HEATR5A: variants seen among roughly 807,000 people sequenced by gnomAD.
HEATR5A encodes HEAT repeat containing 5A, also known as HEAT repeat-containing protein 5A.
HEATR5A carries 178 observed loss-of-function variants against 218.8 expected under a neutral mutation model. That is an observed-to-expected ratio of 0.81 (90% CI 0.72 to 0.92). The LOEUF (loss-of-function observed/expected upper bound fraction) is 0.92, where lower values mean the gene tolerates loss of function less well. HEATR5A is among the 40% of genes least tolerant of loss of function. HEATR5A has a pLI of 0.00. For synonymous variants in HEATR5A, 864 were observed against 871.6 expected (o/e 0.99, Z 0.15); for missense variants, 2,420 against 2,418.9 (o/e 1.00, Z -0.01).
intron 10 of HEATR5A, among the ~76,000 whole-genome samples, chr14:31,383,198 T>C (rs567211680): frequency 4.6e-5 from 7 of 152,352 alleles, no homozygotes; most frequent in Admixed American, 4.6e-4. Flanking sequence ...TCTACAGTTT[T>C]AGTTCTTTCT....
intron 8 of HEATR5A, among the ~76,000 whole-genome samples, chr14:31,386,843 G>A (rs1378893754): frequency 1.3e-5 from 2 of 152,062 alleles, no homozygotes; most frequent in Admixed American, 6.6e-5. Context: ...GAACTCATGG[G>A]AAACTAAAAA....
chr14:31,394,750 A>G (rs530255215), intron 5 of HEATR5A, among the ~76,000 whole-genome samples: 102 of 152,250 alleles, frequency 6.7e-4, no homozygotes, highest in Non-Finnish European at 1.3e-3. Context: ...CCCGGGAGGC[A>G]GAGCTTGCAG....
intron 1 of HEATR5A, among the ~76,000 whole-genome samples, chr14:31,409,811 A>C (rs998457960): frequency 1.6e-4 from 25 of 152,362 alleles, no homozygotes; most frequent in African/African-American, 5.8e-4. Flanking sequence ...GTCAACAAAT[A>C]TACAGGCTGC....
intron 28 of HEATR5A, among the ~76,000 whole-genome samples, chr14:31,309,723 T>C (rs1361860041): frequency 1.3e-5 from 2 of 152,096 alleles, no homozygotes; most frequent in African/African-American, 2.4e-5. Context: ...TCTCTCTTAA[T>C]TTTTTTCTTT....
chr14:31,318,645 C>T (rs893898977), intron 25 of HEATR5A, among the ~76,000 whole-genome samples: 5 of 152,118 alleles, frequency 3.3e-5, no homozygotes, highest in South Asian at 2.1e-4. Flanking sequence ...TGCCTGCCAC[C>T]GCAACCAGCT....
rs3033610 is a variant in HEATR5A at position 31,336,217 on chromosome 14, CATATATATATATATAT to C, written c.3367+1243_3367+1258del. ...GGTTATTTTTATATATACATACATA[CATATATATATATATAT>C]ATATATATATATATATATATATATA... On this transcript the variant is annotated intron_variant, in intron 22 of 35. Transcript: ENST00000543095. Among the ~76,000 whole-genome samples, 241 of 38,208 alleles carry C rather than the reference CATATATATATATATAT, an allele frequency of 6.3e-3. 3 individuals are homozygous for C. Among genetic ancestry groups the C allele is most frequent in the South Asian group, 0.038 (39 of 1,032 alleles). 25.1% of individuals were successfully genotyped at this position (38,208 alleles called of 152,430 possible).
intron 29 of HEATR5A, among the ~76,000 whole-genome samples, chr14:31,308,528 C>G: frequency 8.2e-6 from 1 of 121,524 alleles, no homozygotes; most frequent in South Asian, 2.6e-4. Context: ...AAAAAAAAAT[C>G]TAAACTAGGC....
intron 18 of HEATR5A, among the ~76,000 whole-genome samples, chr14:31,348,637 T>A (rs1394837240): frequency 1.3e-5 from 2 of 152,228 alleles, no homozygotes; most frequent in Non-Finnish European, 2.9e-5. Flanking sequence ...GAATTTTCTA[T>A]GTACTGTGTG....
intron 13 of HEATR5A, among the ~76,000 whole-genome samples, chr14:31,366,786 G>C (rs1359137646): frequency 1.3e-5 from 2 of 152,144 alleles, no homozygotes; most frequent in African/African-American, 4.8e-5. Flanking sequence ...GCTGAAACTA[G>C]AGTAGGAACA....
chr14:31,307,915 C>A lies in HEATR5A; in HGVS notation c.4796G>T (p.Arg1599Ile), dbSNP rs1228321952. The change falls in exon 30 of 36, where the codon AGA becomes ATA. Residue 1599 changes from arginine (R) to isoleucine (I), a missense_variant. Arg to Ile is a moderately conservative substitution (Grantham distance 97). Transcript: ENST00000543095. ...LQALLDVPWP[R>I]SKIGSDQDLG... is the part of the protein sequence containing the mutation. ...CACCTGATCACTGCCAATTTTTGAT[C>A]TGGGCCAAGGTACATCTAGAAGTGC... 5.6e-6 allele frequency: 9 copies of A among 1,611,772 alleles called. No individual in the cohort carries two copies. Among genetic ancestry groups the A allele is most frequent in the South Asian group, 1.1e-5 (1 of 90,272 alleles).
In HEATR5A at chr14:31,370,221, G is replaced by A. The variant is rs374376775; in HGVS notation, c.1961+1589C>T. Among the ~76,000 whole-genome samples the A allele has an allele frequency of 6.1e-5, 9 of 147,854 alleles. No individual in the cohort carries two copies. The South Asian group carries it at 6.3e-4, about 10-fold the overall frequency. On this transcript the variant is annotated intron_variant, in intron 13 of 35. Transcript: ENST00000543095. ...AGCCTGGGTGACAGAGCGAGACTACGTCTCAAAAAAAAAAAAGGAAGAATT... is the reference window on the plus strand; with the variant it reads ...AGCCTGGGTGACAGAGCGAGACTACATCTCAAAAAAAAAAAAGGAAGAATT...
Position 31,349,726 on chromosome 14 carries a change from G to A in HEATR5A, c.2708+63C>T. 2.8e-6 allele frequency: 3 copies of A among 1,089,382 alleles called. No individual in the cohort carries two copies. The South Asian group carries it at 4.3e-5, about 16-fold the overall frequency. 67.5% of individuals were successfully genotyped at this position (1,089,382 alleles called of 1,614,324 possible). A position where few individuals can be genotyped will look rare whatever the true frequency, so the allele number is the denominator to read the frequency against. ...ATGAAGATCTTACTAGTTCCAACAA[G>A]CCAGAAAGCTATACCCAGTTTTGAA... On this transcript the variant is annotated intron_variant, in intron 18 of 35. Transcript: ENST00000543095.
chr14:31,298,012 G>A (rs754033346), intron 33 of HEATR5A, among the ~76,000 whole-genome samples: 1 of 152,042 alleles, frequency 6.6e-6, no homozygotes, highest in Non-Finnish European at 1.5e-5. Context: ...AGTTCTCCTG[G>A]GTTCCTTTTA....
In HEATR5A at chr14:31,296,015, A is replaced by G. The variant is rs61744195; in HGVS notation, c.5513T>C (p.Ile1838Thr). 1.4e-3 allele frequency: 2,249 copies of G among 1,613,504 alleles called. 23 individuals are homozygous for G. The African/African-American group carries it at 0.027, about 19-fold the overall frequency. ...ELDEVSLLTA[I>T]TVFILSTSPE... The stretch of plus-strand genomic sequence containing the variant: ...ACTGGTAGACAAAATAAACACTGTG[A>G]TAGCAGTAAGTAGACTGACTTCATC... Residue 1838 changes from isoleucine (I) to threonine (T), a missense_variant, in exon 34 of 36, where the codon ATC becomes ACC. Transcript: ENST00000543095.
At chr14:31,363,065 C>T (rs550654881) in intron 14 of HEATR5A, among the ~76,000 whole-genome samples, 2 of 151,700 alleles carry the variant, frequency 1.3e-5, no homozygotes, top group South Asian at 4.2e-4. Flanking sequence ...GGTGAAACCC[C>T]ATCTCTATTA....
At chr14:31,363,556 T>C (rs1322903680) in intron 14 of HEATR5A, among the ~76,000 whole-genome samples, 1 of 152,204 alleles carries the variant, frequency 6.6e-6, no homozygotes, top group Non-Finnish European at 1.5e-5. Flanking sequence ...TGAGTTGGTT[T>C]TGTAACCTAA....
In HEATR5A at chr14:31,355,306, G is replaced by A. The variant is rs112698846; in HGVS notation, c.2411+3331C>T. Among the ~76,000 whole-genome samples, 1,297 of 152,054 alleles carry A rather than the reference G, an allele frequency of 8.5e-3. 14 individuals are homozygous for A. Among genetic ancestry groups the A allele is most frequent in the African/African-American group, 0.029 (1,209 of 41,460 alleles). On this transcript the variant is annotated intron_variant, in intron 16 of 35. Coordinates refer to ENST00000543095, the MANE Select transcript of HEATR5A (RefSeq NM_015473.4). The stretch of plus-strand genomic sequence containing the variant: ...GCGTGTGCTGTAGTCCCAGCTACTC[G>A]GGAGGCCGAGGCAGGAGAATCACTT...
At chr14:31,407,609 TATATATATATATATA>T (rs2031126142) in intron 1 of HEATR5A, among the ~76,000 whole-genome samples, 3 of 1,148 alleles carry the variant, frequency 2.6e-3, no homozygotes, top group African/African-American at 4.6e-3. Flanking sequence ...TATATATATA[TATATATATATATATA>T]TATATATATA....
chr14:31,376,280 C>A (rs954761379), intron 11 of HEATR5A, among the ~76,000 whole-genome samples: 1 of 152,068 alleles, frequency 6.6e-6, no homozygotes, highest in Admixed American at 6.5e-5. Context: ...CTTTGAGAGG[C>A]CGAGGCTGAA....
Sources: allele counts gnomAD v4.1 joint callset (sites outside exome capture counted in the v4.1 genomes callset), GRCh38; gene constraint gnomAD v4.1.1; transcripts MANE v1.5; gene names NCBI Gene and HGNC (gene_info 2026-07-23, HGNC 2026-07-21).